PTPRD: variants seen among roughly 807,000 people sequenced by gnomAD.
The protein encoded by PTPRD is receptor-type tyrosine-protein phosphatase delta.
A neutral mutation model predicts 214.5 loss-of-function variants in PTPRD; 34 were observed. The observed-to-expected ratio is 0.16, with a 90% CI of 0.12 to 0.21. The LOEUF is 0.21. Among genes scored for constraint, PTPRD ranks in the 10% least tolerant of loss-of-function variants. The probability of loss-of-function intolerance (pLI) is 1.00; values close to 1 mark genes in which losing one functional copy is unlikely to be tolerated. For synonymous variants in PTPRD, 1,128 were observed against 845.7 expected (o/e 1.33, Z -5.79); for missense variants, 2,545 against 2,398.7 (o/e 1.06, Z -1.27).
intron 9 of PTPRD, among the ~76,000 whole-genome samples, chr9:9,240,290 G>C (rs995075319): frequency 3.3e-5 from 5 of 152,114 alleles, no homozygotes; most frequent in African/African-American, 1.2e-4. Flanking sequence ...TTAATTACTA[G>C]TCATTGGTTT....
chr9:9,569,888 A>C (rs1262655649), intron 8 of PTPRD, among the ~76,000 whole-genome samples: 1 of 151,706 alleles, frequency 6.6e-6, no homozygotes, highest in East Asian at 1.9e-4. Context: ...AAAGGTGTGA[A>C]GAGGTGATAA....
chr9:9,820,404 G>A (rs1014697518), intron 5 of PTPRD, among the ~76,000 whole-genome samples: 3 of 151,980 alleles, frequency 2.0e-5, no homozygotes, highest in African/African-American at 7.3e-5. Context: ...GGATGCATGG[G>A]TTGTAAACAT....
rs563700929 is a variant in PTPRD at position 10,361,026 on chromosome 9, C to T, written c.-599-20009G>A. On this transcript the variant is annotated intron_variant, in intron 2 of 45. Transcript: ENST00000381196. ...CTGAGGCAGGAGAATGGCGTGAACA[C>T]GGGAGGCGGAGCTTGTAGTGAGCCG... Among the ~76,000 whole-genome samples, 150 of 152,164 alleles carry T rather than the reference C, an allele frequency of 9.9e-4. 1 individual carries two copies. The highest frequency in any genetic ancestry group is 3.0e-3 in the African/African-American group (124 of 41,546).
At chr9:8,376,269 A>C (rs1263209446) in intron 38 of PTPRD, among the ~76,000 whole-genome samples, 179 bp from the exon 39 acceptor site, 1 of 152,088 alleles carries the variant, frequency 6.6e-6, no homozygotes, top group Non-Finnish European at 1.5e-5. Context: ...AATGACAAAT[A>C]TTTGCGCAGG....
At chr9:9,866,488 A>AT (rs113534938) in intron 5 of PTPRD, among the ~76,000 whole-genome samples, 12,900 of 152,106 alleles carry the variant, frequency 0.085, 1,300 homozygotes, top group African/African-American at 0.25. Flanking sequence ...TATTCTTAGA[A>AT]TTTTAGAGGC....
At chr9:9,064,237 G>C (rs998625311) in intron 10 of PTPRD, among the ~76,000 whole-genome samples, 1 of 152,092 alleles carries the variant, frequency 6.6e-6, no homozygotes, top group African/African-American at 2.4e-5. Context: ...TATTTATTGT[G>C]TGTGTCTATT....
chr9:9,600,283 G>A (rs550325911), intron 7 of PTPRD, among the ~76,000 whole-genome samples: 1 of 152,148 alleles, frequency 6.6e-6, no homozygotes, highest in Non-Finnish European at 1.5e-5. Flanking sequence ...ACAATTAACA[G>A]GTTTAAGTAA....
intron 12 of PTPRD, among the ~76,000 whole-genome samples, chr9:8,662,205 A>T (rs957229968): frequency 6.6e-6 from 1 of 152,208 alleles, no homozygotes; most frequent in Non-Finnish European, 1.5e-5. Context: ...TAATTACATA[A>T]ATGTATATGA....
intron 9 of PTPRD, among the ~76,000 whole-genome samples, chr9:9,363,814 T>A (rs972061016): frequency 2.0e-5 from 3 of 151,372 alleles, no homozygotes; most frequent in African/African-American, 7.3e-5. Flanking sequence ...ATTTGACAAC[T>A]GAGGGAACTA....
chr9:10,534,384 A>G (rs953508273), intron 2 of PTPRD, among the ~76,000 whole-genome samples: 3 of 152,032 alleles, frequency 2.0e-5, no homozygotes, highest in Non-Finnish European at 2.9e-5. Context: ...ATGATAAAAT[A>G]TTTTATTTAA....
chr9:9,190,238 A>G (rs978927658), intron 9 of PTPRD, among the ~76,000 whole-genome samples: 6 of 152,022 alleles, frequency 3.9e-5, no homozygotes, highest in Non-Finnish European at 5.9e-5. Context: ...TCTTGATAAA[A>G]GGATGAGTGA....
intron 2 of PTPRD, among the ~76,000 whole-genome samples, chr9:10,446,778 C>T (rs569355498): frequency 7.5e-4 from 114 of 152,080 alleles, no homozygotes; most frequent in Middle Eastern, 3.4e-3. Context: ...TTCAATATTA[C>T]GGGTATTTAA....
intron 15 of PTPRD, 38 bp downstream of exon 15, chr9:8,528,551 AAT>A: frequency 6.5e-7 from 1 of 1,540,634 alleles, no homozygotes; most frequent in South Asian, 1.3e-5. Flanking sequence ...TAAAAAAAAA[AAT>A]TCTCTAGGAG....
At chr9:8,893,590 G>A (rs775584785) in intron 11 of PTPRD, among the ~76,000 whole-genome samples, 49 of 152,130 alleles carry the variant, frequency 3.2e-4, no homozygotes, top group Non-Finnish European at 5.6e-4. Flanking sequence ...AGCTCTTATG[G>A]CTTTTTGCTA....
At chr9:10,328,866 G>A (rs1237585956) in intron 3 of PTPRD, among the ~76,000 whole-genome samples, 2 of 151,772 alleles carry the variant, frequency 1.3e-5, no homozygotes, top group African/African-American at 2.4e-5. Context: ...ATGTCATTTC[G>A]ATGGAAGATC....
intron 11 of PTPRD, among the ~76,000 whole-genome samples, chr9:8,940,269 C>G (rs1195028887): frequency 1.2e-5 from 1 of 82,780 alleles, no homozygotes; most frequent in Admixed American, 1.6e-4. Flanking sequence ...ACATCTCTCT[C>G]TCTCTCTCTC....
At chr9:9,955,548 G>C (rs1038879067) in intron 4 of PTPRD, among the ~76,000 whole-genome samples, 3 of 147,016 alleles carry the variant, frequency 2.0e-5, no homozygotes, top group African/African-American at 7.7e-5. Context: ...TTTTGAGACA[G>C]AGTCTCGCTC....
Position 9,823,925 on chromosome 9 carries a change from A to T in PTPRD, c.-367-57074T>A, listed in dbSNP as rs151140489. On this transcript the variant is annotated intron_variant, in intron 5 of 45. Transcript: ENST00000381196. ...GTTTGAGATAATGAATATCTCAATT[A>T]TGTTGATTTGATCATTACACATTTT... is the stretch of plus-strand genomic sequence containing the variant. Among the ~76,000 whole-genome samples, 453 of 152,222 alleles carry T rather than the reference A, an allele frequency of 3.0e-3. 2 individuals are homozygous for T. Among genetic ancestry groups the T allele is most frequent in the African/African-American group, 0.01 (420 of 41,578 alleles).
At chr9:9,546,616 T>C (rs1322630311) in intron 8 of PTPRD, among the ~76,000 whole-genome samples, 1 of 151,820 alleles carries the variant, frequency 6.6e-6, no homozygotes. Flanking sequence ...CCCTTTTATA[T>C]GTAAAATTCT....
Sources: allele counts gnomAD v4.1 joint callset (sites outside exome capture counted in the v4.1 genomes callset), GRCh38; gene constraint gnomAD v4.1.1; transcripts MANE v1.5; gene names NCBI Gene and HGNC (gene_info 2026-07-23, HGNC 2026-07-21).